UTRN: variants seen among roughly 807,000 people sequenced by gnomAD.
The protein encoded by UTRN is dystrophin-related protein 1.
Under a neutral mutation model 463.9 loss-of-function variants are expected in UTRN, and 283 were observed. The ratio of observed to expected loss-of-function variants is 0.61; its 90% CI spans 0.55 to 0.67. The LOEUF is 0.67. Among genes scored for constraint, UTRN ranks in the 30% least tolerant of loss-of-function variants. The probability of loss-of-function intolerance (pLI) is 0.00; values close to 1 mark genes in which losing one functional copy is unlikely to be tolerated. For synonymous variants in UTRN, 1,442 were observed against 1,431.5 expected, an observed-to-expected ratio of 1.01 and a Z score of -0.17; for missense variants, 3,922 against 4,084.3, an observed-to-expected ratio of 0.96 and a Z score of 1.08.
At chr6:144,354,535 C>T (rs930121359) in intron 2 of UTRN, among the ~76,000 whole-genome samples, 1 of 152,156 alleles carries the variant, frequency 6.6e-6, no homozygotes, top group African/African-American at 2.4e-5. Context: ...CCGAGTTAGG[C>T]AGTTTCCAGT....
At chr6:144,685,258 T>C (rs1562763226) in intron 52 of UTRN, among the ~76,000 whole-genome samples, 1 of 152,242 alleles carries the variant, frequency 6.6e-6, no homozygotes, top group East Asian at 1.9e-4. Context: ...ACATACCACA[T>C]GTTCCTTATC....
chr6:144,355,185 C>T (rs534642844), intron 2 of UTRN, among the ~76,000 whole-genome samples: 2 of 152,216 alleles, frequency 1.3e-5, no homozygotes, highest in South Asian at 4.1e-4. Context: ...TGATCAAAAG[C>T]CGCTTGAAGG....
In UTRN at chr6:144,482,244, A is replaced by G. The variant is rs201273910; in HGVS notation, c.3543A>G (p.Arg1181=). The G allele has an allele frequency of 2.5e-6, 4 of 1,584,540 alleles. No homozygotes were observed. The Admixed American group carries it at 5.5e-5, about 22-fold the overall frequency. Residue 1181 remains arginine, a synonymous_variant, in exon 27 of 75, where the codon AGA becomes AGG. Transcript: ENST00000367545. ...AKEDVLQKEV[R]VKILKDNIKL... ...AGGATGTGTTGCAGAAGGAGGTGAG[A>G]GTGAAGATTCTCAAGGACAACATCA...
chr6:144,435,762 C>T (rs951721410), intron 9 of UTRN, among the ~76,000 whole-genome samples, 173 bp from the exon 10 acceptor site: 6 of 152,300 alleles, frequency 3.9e-5, no homozygotes, highest in Admixed American at 1.3e-4. Flanking sequence ...TACCCTAGTG[C>T]ACTTACTCAA....
At position 144,447,481 on chromosome 6, in the gene UTRN, T is replaced by C. The variant is rs1364192208; in HGVS notation, c.1723-121T>C. The C allele has an allele frequency of 9.8e-6, 13 of 1,325,690 alleles. No individual in the cohort carries two copies. In the Admixed American group the frequency reaches 2.6e-4, roughly 26 times the overall value. The allele number at this position is 1,325,690 out of a possible 1,614,324, so 82.1% of individuals were successfully genotyped here. A position where few individuals can be genotyped will look rare whatever the true frequency, so the allele number is the denominator to read the frequency against. ...GAACCACGAGTCTTACCTTTTAGCA[T>C]AGTGAACTGCAAAGCATGTACATTT... is the stretch of plus-strand genomic sequence containing the variant. On this transcript the variant is annotated intron_variant, in intron 15 of 74. Coordinates refer to ENST00000367545, the MANE Select transcript of UTRN (RefSeq NM_007124.3).
chr6:144,574,034 A>T (rs1453362465), intron 50 of UTRN, among the ~76,000 whole-genome samples: 1 of 152,172 alleles, frequency 6.6e-6, no homozygotes, highest in Non-Finnish European at 1.5e-5. Flanking sequence ...GAGTCGTAGG[A>T]TTGTGGTAGG....
chr6:144,294,198 C>T (rs1804491821), intron 2 of UTRN, among the ~76,000 whole-genome samples: 1 of 151,886 alleles, frequency 6.6e-6, no homozygotes, highest in African/African-American at 2.4e-5. Flanking sequence ...TTTGTGGTGG[C>T]ATCTACTTCA....
At chr6:144,685,983 A>G (rs1216687207) in intron 52 of UTRN, among the ~76,000 whole-genome samples, 1 of 152,066 alleles carries the variant, frequency 6.6e-6, no homozygotes, top group Non-Finnish European at 1.5e-5. Context: ...GCCAATTTTC[A>G]GAAGAGTTTT....
At chr6:144,618,183 T>C (rs892030471) in intron 51 of UTRN, among the ~76,000 whole-genome samples, 4 of 152,148 alleles carry the variant, frequency 2.6e-5, no homozygotes, top group Non-Finnish European at 5.9e-5. Context: ...ATAATTAGGG[T>C]CATAATTTTT....
In UTRN at chr6:144,396,122, A is replaced by G. The variant is rs142164161; in HGVS notation, c.80-7001A>G. 5.2e-4 allele frequency among the ~76,000 whole-genome samples: 79 copies of G among 152,316 alleles called. 2 individuals carry two copies. In the East Asian group the frequency reaches 0.015, roughly 28 times the overall value. On this transcript the variant is annotated intron_variant, in intron 2 of 74. Coordinates refer to ENST00000367545, the MANE Select transcript of UTRN (RefSeq NM_007124.3). ...GTTCATAATAGCCAAAAAGTGGTCA[A>G]CTAGTGCTCATCTTTAGACAAATGG... is the stretch of plus-strand genomic sequence containing the variant.
chr6:144,797,314 G>T (rs370263725), intron 63 of UTRN, among the ~76,000 whole-genome samples: 1 of 151,708 alleles, frequency 6.6e-6, no homozygotes, highest in African/African-American at 2.4e-5. Context: ...TCAGCCTCCC[G>T]AGTAGCTGGG....
At position 144,657,177 on chromosome 6, in the gene UTRN, G is replaced by A. The variant is rs182244221; in HGVS notation, c.7480-21229G>A. On this transcript the variant is annotated intron_variant, in intron 51 of 74. Coordinates refer to ENST00000367545, the MANE Select transcript of UTRN (RefSeq NM_007124.3). ...AGGCAGGAGAATCGCTTGAACTTGG[G>A]AGGTGGAGGTTGCGCTGAGCTGAGA... Among the ~76,000 whole-genome samples, 29 of 151,270 alleles carry A rather than the reference G, an allele frequency of 1.9e-4. No individual in the cohort carries two copies. The East Asian group carries it at 5.6e-3, about 29-fold the overall frequency.
intron 51 of UTRN, chr6:144,660,148 T>TA (rs1444779590): frequency 4.5e-5 from 21 of 466,458 alleles, no homozygotes; most frequent in Non-Finnish European, 7.1e-5. Context: ...CCAGAAAAGA[T>TA]ACGGTGTTTA....
At chr6:144,554,949 C>T in intron 49 of UTRN, 56 bp downstream of exon 49, 1 of 1,560,416 alleles carries the variant, frequency 6.4e-7, no homozygotes, top group Non-Finnish European at 8.8e-7. Context: ...TACTTTTTTT[C>T]TATTGTTCAC....
At chr6:144,498,330 T>C (rs58526186) in intron 33 of UTRN, among the ~76,000 whole-genome samples, 4,554 of 152,332 alleles carry the variant, frequency 0.03, 263 homozygotes, top group African/African-American at 0.1. Context: ...GTGTGTAAGA[T>C]TCCTTAGCAC....
At chr6:144,349,465 G>A (rs927208938) in intron 2 of UTRN, among the ~76,000 whole-genome samples, 1 of 152,136 alleles carries the variant, frequency 6.6e-6, no homozygotes, top group African/African-American at 2.4e-5. Context: ...GGGAGAGTGT[G>A]GTCAGGATTC....
At chr6:144,628,257 T>G (rs548459966) in intron 51 of UTRN, among the ~76,000 whole-genome samples, 3 of 152,362 alleles carry the variant, frequency 2.0e-5, no homozygotes, top group Admixed American at 6.5e-5. Context: ...TGCTTTCATT[T>G]CTTTGGGGTC....
chr6:144,734,927 A>G (rs535207656), intron 54 of UTRN, among the ~76,000 whole-genome samples: 1 of 150,196 alleles, frequency 6.7e-6, no homozygotes, highest in South Asian at 2.1e-4. Flanking sequence ...CTTTCGTTCC[A>G]CTCCCTGTAG....
chr6:144,448,868 T>C, intron 17 of UTRN, 99 bp downstream of exon 17: 1 of 1,304,516 alleles, frequency 7.7e-7, no homozygotes, highest in South Asian at 1.5e-5. Flanking sequence ...TAGGCAAATC[T>C]AGACATAATA....
Sources: gnomAD v4.1 joint callset for allele counts (sites outside exome capture counted in the v4.1 genomes callset) on GRCh38, gnomAD v4.1.1 for gene constraint, MANE v1.5 for transcripts, NCBI Gene and HGNC (gene_info 2026-07-23, HGNC 2026-07-21) for gene names.